AKT3: variants seen among roughly 807,000 people sequenced by gnomAD.
AKT3 encodes the protein RAC-gamma serine/threonine-protein kinase.
In AKT3, 15 loss-of-function variants were observed where a neutral mutation model predicts 65.3. That is an observed-to-expected ratio of 0.23 (90% CI 0.15 to 0.35). The LOEUF is 0.35. AKT3 is among the 10% of genes least tolerant of loss of function. AKT3 has a pLI of 1.00. For synonymous variants in AKT3, 206 were observed against 183.8 expected (o/e 1.12, Z -0.98); for missense variants, 243 against 576.5 (o/e 0.42, Z 5.92).
intron 2 of AKT3, among the ~76,000 whole-genome samples, chr1:243,741,207 G>A (rs965636754): frequency 3.3e-5 from 5 of 152,060 alleles, no homozygotes; most frequent in Non-Finnish European, 5.9e-5. Context: ...ATGCAAGCAC[G>A]TACCTGTATT....
intron 2 of AKT3, among the ~76,000 whole-genome samples, chr1:243,822,542 A>G (rs1276180350): frequency 2.0e-5 from 3 of 152,078 alleles, no homozygotes; most frequent in Non-Finnish European, 2.9e-5. Flanking sequence ...AGCTAGATTA[A>G]TAAAGAAGAA....
intron 2 of AKT3, among the ~76,000 whole-genome samples, chr1:243,809,683 C>A (rs898218469): frequency 6.6e-6 from 1 of 152,162 alleles, no homozygotes; most frequent in Admixed American, 6.5e-5. Context: ...CCAAGCAGAC[C>A]TAATAGACAT....
chr1:243,489,010 C>G (rs1665718706), intron 13 of AKT3: 4 of 1,613,254 alleles, frequency 2.5e-6, no homozygotes, highest in Non-Finnish European at 3.4e-6. Context: ...GGATTTTTCT[C>G]CAGGCTAAGG....
intron 1 of AKT3, chr1:243,843,684 ACT>A (rs1048189348): frequency 1.5e-5 from 9 of 615,412 alleles, no homozygotes; most frequent in South Asian, 7.3e-5. Flanking sequence ...ACGGAATCTC[ACT>A]CTGTCGCCAG....
At chr1:243,800,546 C>T (rs1326162025) in intron 2 of AKT3, among the ~76,000 whole-genome samples, 2 of 152,000 alleles carry the variant, frequency 1.3e-5, no homozygotes, top group African/African-American at 2.4e-5. Context: ...GGTGAAACCC[C>T]GTCTCTACTA....
chr1:243,622,398 T>C (rs927227810), intron 6 of AKT3, among the ~76,000 whole-genome samples: 1 of 152,244 alleles, frequency 6.6e-6, no homozygotes, highest in Non-Finnish European at 1.5e-5. Flanking sequence ...CACTTTTCTC[T>C]GTAAGTATGG....
chr1:243,619,514 C>A lies in AKT3; in HGVS notation c.562-4353G>T, dbSNP rs1282916453. Among the ~76,000 whole-genome samples, 10 of 42,828 alleles carry A rather than the reference C, an allele frequency of 2.3e-4. 4 individuals are homozygous for A. The highest frequency in any genetic ancestry group is 1.5e-3 in the Admixed American group (4 of 2,686). The allele number at this position is 42,828 out of a possible 152,430, so 28.1% of individuals were successfully genotyped here. A position where few individuals can be genotyped will look rare whatever the true frequency, so the allele number is the denominator to read the frequency against. On this transcript the variant is annotated intron_variant, in intron 6 of 13. Transcript: ENST00000673466. ...CCATCTCCCCATCCCCCTACCATTCCCAGCCTCTAGGAACAACCAATCTAC... is the reference window on the plus strand; with the variant it reads ...CCATCTCCCCATCCCCCTACCATTCACAGCCTCTAGGAACAACCAATCTAC...
intron 2 of AKT3, among the ~76,000 whole-genome samples, chr1:243,771,018 A>G (rs1305956340): frequency 6.6e-6 from 1 of 152,178 alleles, no homozygotes; most frequent in Non-Finnish European, 1.5e-5. Context: ...GATTTCAGGG[A>G]AAAAGGAAGA....
chr1:243,850,484 C>T (rs1695733761), upstream of AKT3, among the ~76,000 whole-genome samples: 2 of 151,046 alleles, frequency 1.3e-5, no homozygotes, highest in Admixed American at 6.6e-5. Flanking sequence ...GCGCGCCCGG[C>T]GCGGGGAGGG....
At chr1:243,701,693 T>C (rs549470770) in intron 2 of AKT3, among the ~76,000 whole-genome samples, 1 of 146,840 alleles carries the variant, frequency 6.8e-6, no homozygotes, top group East Asian at 2.0e-4. Flanking sequence ...ACCCTAATTA[T>C]CAAGAGTTGC....
intron 2 of AKT3, among the ~76,000 whole-genome samples, chr1:243,798,273 C>T (rs1027974521): frequency 7.2e-6 from 1 of 139,500 alleles, no homozygotes; most frequent in African/African-American, 2.7e-5. Context: ...GCTGCAGTGG[C>T]ATGACCACTG....
At chr1:243,751,650 G>A (rs1262890879) in intron 2 of AKT3, among the ~76,000 whole-genome samples, 1 of 152,186 alleles carries the variant, frequency 6.6e-6, no homozygotes, top group Non-Finnish European at 1.5e-5. Flanking sequence ...CAGGGACTCA[G>A]ATTTAGAAAT....
rs572547406 is a variant in AKT3, at chr1:243,553,560, G to A, written c.949-617C>T. Among the ~76,000 whole-genome samples the A allele has an allele frequency of 2.1e-4, 32 of 152,230 alleles. No individual in the cohort carries two copies. The South Asian group carries it at 4.6e-3, about 22-fold the overall frequency. Reference sequence around the variant, plus strand: ...AAGTGAATATAAAAGCTTATGGTACGAGCTGTAATAAACTTTGATAGCCAC... The same window carrying A: ...AAGTGAATATAAAAGCTTATGGTACAAGCTGTAATAAACTTTGATAGCCAC... On this transcript the variant is annotated intron_variant, in intron 10 of 13. Coordinates refer to ENST00000673466, the MANE Select transcript of AKT3 (RefSeq NM_005465.7).
rs145628225 is a variant in AKT3 at position 243,648,758 on chromosome 1, T to C, written c.285-2721A>G. 3.8e-3 allele frequency among the ~76,000 whole-genome samples: 576 copies of C among 152,264 alleles called. 4 individuals carry two copies. Among genetic ancestry groups the C allele is most frequent in the African/African-American group, 0.013 (553 of 41,564 alleles). ...CTAATTCACTTCCATTCATTGATAT[T>C]GGGTTTTCTAATGTTTTCTTGGATG... is the stretch of plus-strand genomic sequence containing the variant. On this transcript the variant is annotated intron_variant, in intron 4 of 13. Transcript: ENST00000673466.
chr1:243,561,435 C>CT (rs1422625800), intron 10 of AKT3, among the ~76,000 whole-genome samples: 2 of 152,218 alleles, frequency 1.3e-5, no homozygotes, highest in African/African-American at 2.4e-5. Flanking sequence ...TAAAAGTGGG[C>CT]TTTATAGTCA....
intron 8 of AKT3, among the ~76,000 whole-genome samples, chr1:243,611,655 G>A (rs1029528533): frequency 6.7e-6 from 1 of 150,324 alleles, no homozygotes; most frequent in African/African-American, 2.4e-5. Flanking sequence ...CTACAATCCA[G>A]CCTGAATGAC....
intron 2 of AKT3, among the ~76,000 whole-genome samples, chr1:243,820,256 A>C (rs1302980071): frequency 3.3e-5 from 5 of 152,222 alleles, no homozygotes; most frequent in Non-Finnish European, 7.3e-5. Flanking sequence ...AAGCAACAAC[A>C]GCAGCATCAA....
intron 2 of AKT3, among the ~76,000 whole-genome samples, chr1:243,700,497 G>A (rs1415022358): frequency 7.0e-6 from 1 of 142,642 alleles, no homozygotes; most frequent in Non-Finnish European, 1.5e-5. Flanking sequence ...TGGACCTCAG[G>A]CTTAGTCTAT....
At chr1:243,618,843 A>G (rs1678532048) in intron 6 of AKT3, among the ~76,000 whole-genome samples, 1 of 151,778 alleles carries the variant, frequency 6.6e-6, no homozygotes, top group Non-Finnish European at 1.5e-5. Context: ...TTTTGTGGTA[A>G]TTAGGTTATT....
Sources: allele counts gnomAD v4.1 joint callset (sites outside exome capture counted in the v4.1 genomes callset), GRCh38; gene constraint gnomAD v4.1.1; transcripts MANE v1.5; gene names NCBI Gene and HGNC (gene_info 2026-07-23, HGNC 2026-07-21).